The following TNR variants were observed in gnomAD, a reference collection of about 807,000 sequenced individuals.
TNR encodes the protein tenascin R.
Under a neutral mutation model 150.4 loss-of-function variants are expected in TNR, and 45 were observed. That is an observed-to-expected ratio of 0.30 (90% CI 0.24 to 0.38). The LOEUF (loss-of-function observed/expected upper bound fraction) is 0.38, where lower values mean the gene tolerates loss of function less well. Ranked by LOEUF, TNR falls within the 10% of genes least tolerant of loss-of-function variation. The pLI is 1.00. For synonymous variants in TNR, 687 were observed against 678.4 expected, an observed-to-expected ratio of 1.01 and a Z score of -0.20; for missense variants, 1,544 against 1,759.1, an observed-to-expected ratio of 0.88 and a Z score of 2.19.
intron 2 of TNR, among the ~76,000 whole-genome samples, chr1:175,446,939 G>A (rs1004436543): frequency 6.6e-6 from 1 of 152,172 alleles, no homozygotes; most frequent in African/African-American, 2.4e-5. Flanking sequence ...ATGCATGTGT[G>A]TTATATGTAT....
At chr1:175,418,312 T>C (rs1654595392) in intron 2 of TNR, among the ~76,000 whole-genome samples, 1 of 151,540 alleles carries the variant, frequency 6.6e-6, no homozygotes, top group Admixed American at 6.6e-5. Context: ...CTTCTGGGAG[T>C]CCAGCAGAAG....
chr1:175,556,799 T>G (rs1661176645), intron 1 of TNR: 1 of 152,562 alleles, frequency 6.6e-6, no homozygotes, highest in South Asian at 2.1e-4. Flanking sequence ...AACTCAGAAA[T>G]GGTCCCCATG....
chr1:175,518,123 T>C (rs1437161804), intron 2 of TNR, among the ~76,000 whole-genome samples: 4 of 152,238 alleles, frequency 2.6e-5, no homozygotes, highest in African/African-American at 4.8e-5. Context: ...AGATATTACA[T>C]TGAAATATAA....
chr1:175,470,708 T>C (rs895229342), intron 2 of TNR, among the ~76,000 whole-genome samples: 2 of 152,234 alleles, frequency 1.3e-5, no homozygotes, highest in African/African-American at 2.4e-5. Context: ...TTATTGTCTA[T>C]AGTCATCCTA....
intron 1 of TNR, among the ~76,000 whole-genome samples, chr1:175,559,684 G>A (rs1442359375): frequency 6.6e-6 from 1 of 152,138 alleles, no homozygotes; most frequent in East Asian, 1.9e-4. Flanking sequence ...TTATGTTTGT[G>A]AGTTTCATAA....
intron 1 of TNR, among the ~76,000 whole-genome samples, chr1:175,607,872 C>T (rs1404510451): frequency 2.0e-5 from 3 of 152,206 alleles, no homozygotes; most frequent in Admixed American, 6.5e-5. Flanking sequence ...CTTTCCTGAA[C>T]ATTAACGATG....
chr1:175,337,802 C>T, intron 18 of TNR, 123 bp from the exon 19 acceptor site: 1 of 1,136,380 alleles, frequency 8.8e-7, no homozygotes, highest in Admixed American at 2.2e-5. Context: ...AAGAAATCCT[C>T]AACGGAGCTC....
intron 1 of TNR, among the ~76,000 whole-genome samples, chr1:175,602,861 T>A (rs912670492): frequency 3.9e-5 from 6 of 152,206 alleles, no homozygotes; most frequent in African/African-American, 1.4e-4. Flanking sequence ...TCATTTCCAA[T>A]AAACGGGGAG....
In TNR at chr1:175,536,850, C is replaced by T. The variant is rs372077790; in HGVS notation, c.-164-8481G>A. Among the ~76,000 whole-genome samples, 85 of 152,294 alleles carry T rather than the reference C, an allele frequency of 5.6e-4. No homozygotes were observed. The Middle Eastern group carries it at 0.014, about 24-fold the overall frequency. On this transcript the variant is annotated intron_variant, in intron 1 of 22. Transcript: ENST00000367674. ...TATAGAAATTCAGTCATTGAAGGCA[C>T]CCACTAACCCCCAATTCATGTTTGG...
At chr1:175,533,247 G>A (rs1344192601) in intron 1 of TNR, among the ~76,000 whole-genome samples, 1 of 152,278 alleles carries the variant, frequency 6.6e-6, no homozygotes, top group Admixed American at 6.5e-5. Context: ...CTGTAAGATG[G>A]GAATAATAAT....
chr1:175,407,316 T>C (rs983457606), intron 2 of TNR, among the ~76,000 whole-genome samples: 22 of 152,374 alleles, frequency 1.4e-4, no homozygotes, highest in Admixed American at 8.5e-4. Context: ...CAGGTAATTG[T>C]GATTGTTAAT....
intron 1 of TNR, among the ~76,000 whole-genome samples, chr1:175,669,697 C>T (rs1293676953): frequency 6.6e-6 from 1 of 152,206 alleles, no homozygotes; most frequent in African/African-American, 2.4e-5. Context: ...GAGAGGAAAC[C>T]TCTAAGATCT....
rs1020527470 is a variant in TNR at position 175,687,127 on chromosome 1, C to A, written c.-165+56099G>T. Among the ~76,000 whole-genome samples, 12 of 152,280 alleles carry A rather than the reference C, an allele frequency of 7.9e-5. 1 individual carries two copies. In the Middle Eastern group the frequency reaches 0.01, roughly 129 times the overall value. ...CAAGGCACCATGGCATGAGCTAAAGCTTAGTCAGAGTCCTCCTGGGCTCAG... is the reference window on the plus strand; with the variant it reads ...CAAGGCACCATGGCATGAGCTAAAGATTAGTCAGAGTCCTCCTGGGCTCAG... On this transcript the variant is annotated intron_variant, in intron 1 of 22. Transcript: ENST00000367674.
chr1:175,533,355 T>A (rs1284904901), intron 1 of TNR, among the ~76,000 whole-genome samples: 1 of 152,196 alleles, frequency 6.6e-6, no homozygotes, highest in Admixed American at 6.5e-5. Flanking sequence ...AACTTCTTAG[T>A]TCCTTTCCCT....
At chr1:175,414,617 T>C (rs900582905) in intron 2 of TNR, among the ~76,000 whole-genome samples, 29 of 152,190 alleles carry the variant, frequency 1.9e-4, no homozygotes, top group African/African-American at 6.8e-4. Context: ...AAGAGGTGGA[T>C]AGCAAGATTG....
At chr1:175,741,194 T>C (rs1667918629) in intron 1 of TNR, among the ~76,000 whole-genome samples, 1 of 152,262 alleles carries the variant, frequency 6.6e-6, no homozygotes, top group Non-Finnish European at 1.5e-5. Flanking sequence ...CACATGAGCA[T>C]TACTGCATTT....
chr1:175,417,990 TAA>T (rs947915728), intron 2 of TNR, among the ~76,000 whole-genome samples: 26 of 152,192 alleles, frequency 1.7e-4, no homozygotes, highest in African/African-American at 6.3e-4. Flanking sequence ...TTTAGAGCAT[TAA>T]ATAGCACCGC....
chr1:175,686,420 T>C (rs1666202567), intron 1 of TNR, among the ~76,000 whole-genome samples: 2 of 152,364 alleles, frequency 1.3e-5, no homozygotes, highest in East Asian at 1.9e-4. Flanking sequence ...TGCGTATAGA[T>C]GAAGAGAGTT....
Position 175,366,727 on chromosome 1 carries a change from C to G in TNR, c.2053+481G>C, listed in dbSNP as rs538180577. ...TTGAAATTTACCCAGGATTTGGAAGCAAAACTGCTGAATCCAGAGCAGCAA... is the reference window on the plus strand; with the variant it reads ...TTGAAATTTACCCAGGATTTGGAAGGAAAACTGCTGAATCCAGAGCAGCAA... On this transcript the variant is annotated intron_variant, in intron 10 of 22. Coordinates refer to ENST00000367674, the MANE Select transcript of TNR (RefSeq NM_003285.3). Among the ~76,000 whole-genome samples the G allele has an allele frequency of 3.0e-4, 46 of 152,300 alleles. No homozygotes were observed. In the South Asian group the frequency reaches 7.7e-3, roughly 25 times the overall value.
Sources: gnomAD v4.1 joint callset for allele counts (sites outside exome capture counted in the v4.1 genomes callset) on GRCh38, gnomAD v4.1.1 for gene constraint, MANE v1.5 for transcripts, NCBI Gene and HGNC (gene_info 2026-07-23, HGNC 2026-07-21) for gene names.